OCA2: variants seen among roughly 807,000 people sequenced by gnomAD.
The protein encoded by OCA2 is OCA2 melanosomal transmembrane protein, also known as P protein.
In OCA2, 77 loss-of-function variants were observed where a neutral mutation model predicts 100.2. That is an observed-to-expected ratio of 0.77 (90% CI 0.64 to 0.93). The LOEUF (loss-of-function observed/expected upper bound fraction) is 0.93, where lower values mean the gene tolerates loss of function less well. Among genes scored for constraint, OCA2 ranks in the 40% least tolerant of loss-of-function variants. The pLI is 0.00. For missense variants in OCA2, 1,062 were observed against 1,089.1 expected (o/e 0.98, Z 0.35); for synonymous variants, 432 against 439.2 (o/e 0.98, Z 0.21).
At chr15:27,976,945 T>C (rs547530827) in intron 14 of OCA2, among the ~76,000 whole-genome samples, 14 of 152,250 alleles carry the variant, frequency 9.2e-5, no homozygotes, top group Non-Finnish European at 1.5e-4. Context: ...CTTCTATAGA[T>C]ACAGGGCTAC....
rs1020311344 is a variant in OCA2 at position 28,053,944 on chromosome 15, C to T, written c.228-21781G>A. ...CGGATCCCCCACCCTGGCTCACCCC[C>T]TTCTAAACTCATGAGGGTCCAGAGT... On this transcript the variant is annotated intron_variant, in intron 2 of 23. Transcript: ENST00000354638. 2.6e-5 allele frequency among the ~76,000 whole-genome samples: 4 copies of T among 152,288 alleles called. No homozygotes were observed. In the East Asian group the frequency reaches 5.8e-4, roughly 22 times the overall value.
At chr15:27,776,974 T>TC (rs2032261729) in intron 23 of OCA2, among the ~76,000 whole-genome samples, 1 of 43,174 alleles carries the variant, frequency 2.3e-5, no homozygotes, top group Admixed American at 2.4e-4. Context: ...GAGCGTGAGG[T>TC]GGGGGGGGGT....
At chr15:27,942,270 T>C (rs2039675588) in intron 18 of OCA2, among the ~76,000 whole-genome samples, 1 of 149,226 alleles carries the variant, frequency 6.7e-6, no homozygotes, top group Admixed American at 6.7e-5. Flanking sequence ...ATGATATACA[T>C]ATATAATATA....
intron 3 of OCA2, among the ~76,000 whole-genome samples, chr15:28,031,698 C>G (rs905904061): frequency 1.3e-5 from 2 of 152,210 alleles, no homozygotes; most frequent in Admixed American, 6.5e-5. Flanking sequence ...CATCCCTTGC[C>G]TCTACCCTTA....
chr15:27,828,272 T>C (rs1434981631), intron 23 of OCA2, among the ~76,000 whole-genome samples: 1 of 152,162 alleles, frequency 6.6e-6, no homozygotes, highest in Non-Finnish European at 1.5e-5. Flanking sequence ...CGGGGACTTA[T>C]AGTACCAATG....
intron 23 of OCA2, among the ~76,000 whole-genome samples, chr15:27,827,865 T>C (rs1295068595): frequency 6.6e-6 from 1 of 152,226 alleles, no homozygotes; most frequent in Non-Finnish European, 1.5e-5. Flanking sequence ...TTTTTGCTTT[T>C]TACAAACTGA....
chr15:27,741,087 G>A, the OCA2 span, among the ~76,000 whole-genome samples: 1 of 152,202 alleles, frequency 6.6e-6, no homozygotes, highest in Admixed American at 6.5e-5. Context: ...GTACAGCACA[G>A]CTCTTATCTC....
At chr15:27,999,204 A>G (rs1017978256) in intron 9 of OCA2, among the ~76,000 whole-genome samples, 2 of 152,194 alleles carry the variant, frequency 1.3e-5, no homozygotes, top group Non-Finnish European at 2.9e-5. Flanking sequence ...TATAACAAGA[A>G]AAAATGCTCA....
At position 28,081,678 on chromosome 15, in the gene OCA2, T is replaced by C. The variant is rs1322917049; in HGVS notation, c.197A>G (p.Gln66Arg). 3.1e-6 allele frequency: 5 copies of C among 1,613,842 alleles called. No homozygotes were observed. Among genetic ancestry groups the C allele is most frequent in the Non-Finnish European group, 4.2e-6 (5 of 1,180,010 alleles). Residue 66 changes from glutamine (Q) to arginine (R), a missense_variant, in exon 2 of 24, where the codon CAG (glutamine) becomes CGG (arginine). By Grantham distance (43) the Gln-to-Arg change is conservative. Coordinates refer to ENST00000354638, the MANE Select transcript of OCA2 (RefSeq NM_000275.3). ...TTTTGTGAGGAATGAAGCAAACTCC[T>C]GGCCTGCAGGAGCCCAAGAGCTCTG... is the stretch of plus-strand genomic sequence containing the variant. ...AGQSSWAPAG[Q>R]EFASFLTKGR...
intron 19 of OCA2, among the ~76,000 whole-genome samples, chr15:27,901,597 C>T (rs1182184254): frequency 6.6e-6 from 1 of 152,134 alleles, no homozygotes; most frequent in Non-Finnish European, 1.5e-5. Context: ...GACCCTACCT[C>T]GCAAGGAGGG....
At chr15:28,094,888 C>T (rs963548772) in intron 1 of OCA2, among the ~76,000 whole-genome samples, 1 of 152,254 alleles carries the variant, frequency 6.6e-6, no homozygotes, top group African/African-American at 2.4e-5. Context: ...GGCACCGGTG[C>T]CAGGACCGAC....
intron 23 of OCA2, among the ~76,000 whole-genome samples, chr15:27,826,424 C>T (rs1399087684): frequency 6.6e-6 from 1 of 152,162 alleles, no homozygotes; most frequent in Non-Finnish European, 1.5e-5. Flanking sequence ...AGAGGCACGG[C>T]CCTCAACCAC....
chr15:28,096,012 G>A (rs2044972090), intron 1 of OCA2, among the ~76,000 whole-genome samples: 1 of 152,220 alleles, frequency 6.6e-6, no homozygotes, highest in African/African-American at 2.4e-5. Context: ...GCTTGCAGGG[G>A]CCTGGCTGGG....
intron 9 of OCA2, among the ~76,000 whole-genome samples, chr15:27,991,180 T>C (rs542157792): frequency 2.6e-5 from 4 of 152,332 alleles, no homozygotes; most frequent in African/African-American, 9.6e-5. Context: ...GGAGCCCTCA[T>C]ACATTGCTAG....
At chr15:27,846,067 G>A (rs1335369638) in intron 22 of OCA2, among the ~76,000 whole-genome samples, 1 of 152,040 alleles carries the variant, frequency 6.6e-6, no homozygotes, top group East Asian at 1.9e-4. Context: ...TCAGTGAGAG[G>A]TGGGGCTCAG....
At chr15:27,860,127 T>TG (rs1367239690) in intron 21 of OCA2, among the ~76,000 whole-genome samples, 4 of 152,186 alleles carry the variant, frequency 2.6e-5, no homozygotes, top group African/African-American at 7.2e-5. Flanking sequence ...TTAAGTGTTA[T>TG]GGGGAAAAAA....
intron 2 of OCA2, among the ~76,000 whole-genome samples, chr15:28,080,014 CA>C (rs2044568879): frequency 6.6e-6 from 1 of 152,220 alleles, no homozygotes; most frequent in African/African-American, 2.4e-5. Flanking sequence ...GGAACATATG[CA>C]ACATATGCTC....
the OCA2 span, among the ~76,000 whole-genome samples, chr15:27,727,981 T>C: frequency 6.6e-6 from 1 of 152,224 alleles, no homozygotes; most frequent in Non-Finnish European, 1.5e-5. Context: ...TATGCCAGCC[T>C]GCAGTCTGGC....
intron 23 of OCA2, among the ~76,000 whole-genome samples, chr15:27,799,019 G>A (rs1003172492): frequency 5.3e-5 from 8 of 152,214 alleles, no homozygotes; most frequent in Admixed American, 1.3e-4. Context: ...TGGATCTTAA[G>A]AAAGCCAAAC....
Sources: gnomAD v4.1 joint callset for allele counts (sites outside exome capture counted in the v4.1 genomes callset) on GRCh38, gnomAD v4.1.1 for gene constraint, MANE v1.5 for transcripts, NCBI Gene and HGNC (gene_info 2026-07-23, HGNC 2026-07-21) for gene names.